PCDHA3: variants seen among roughly 807,000 people sequenced by gnomAD.
The protein encoded by PCDHA3 is protocadherin alpha-3.
PCDHA3 carries 41 observed loss-of-function variants against 62.2 expected under a neutral mutation model. That is an observed-to-expected ratio of 0.66 (90% CI 0.51 to 0.86). The LOEUF (loss-of-function observed/expected upper bound fraction) is 0.86. Ranked by LOEUF, PCDHA3 falls within the 40% of genes least tolerant of loss-of-function variation. The pLI is 0.00. For synonymous variants in PCDHA3, 640 were observed against 555.4 expected, an observed-to-expected ratio of 1.15 and a Z score of -2.14; for missense variants, 1,304 against 1,241.2, an observed-to-expected ratio of 1.05 and a Z score of -0.76.
At chr5:141,005,909 T>C (rs1368661717) in intron 3 of PCDHA3, among the ~76,000 whole-genome samples, 1 of 151,946 alleles carries the variant, frequency 6.6e-6, no homozygotes, top group African/African-American at 2.4e-5. Context: ...ATTGCACCAC[T>C]GCACTTCAGC....
chr5:140,808,144 T>C (rs781813309), intron 1 of PCDHA3: 2 of 1,614,138 alleles, frequency 1.2e-6, no homozygotes, highest in Non-Finnish European at 1.7e-6. Flanking sequence ...ATGAAATTAT[T>C]GTAGAGGGCA....
intron 1 of PCDHA3, among the ~76,000 whole-genome samples, chr5:140,881,723 A>G (rs2058808704): frequency 6.6e-6 from 1 of 152,172 alleles, no homozygotes; most frequent in South Asian, 2.1e-4. Flanking sequence ...GGAGGTCTTG[A>G]AAAATATTAC....
chr5:140,912,241 T>C (rs939016891), intron 1 of PCDHA3, among the ~76,000 whole-genome samples: 1 of 152,164 alleles, frequency 6.6e-6, no homozygotes, highest in African/African-American at 2.4e-5. Flanking sequence ...GACTCAAATG[T>C]TAATCTCCTT....
chr5:140,891,920 C>G (rs1396526194), intron 1 of PCDHA3, among the ~76,000 whole-genome samples: 10 of 152,206 alleles, frequency 6.6e-5, no homozygotes, highest in Non-Finnish European at 8.8e-5. Flanking sequence ...GATGCTGGTG[C>G]CTTGATCTTG....
chr5:140,802,694 G>A lies in PCDHA3; in HGVS notation c.1497G>A (p.Val499=), dbSNP rs782659406. 4.3e-6 allele frequency: 7 copies of A among 1,612,620 alleles called. No individual in the cohort carries two copies. In the Admixed American group the frequency reaches 8.3e-5, roughly 19 times the overall value. ...LVSYSLVERR[V]GERALSSYVS... is the part of the protein sequence containing the mutation. ...CCTACTCGCTGGTGGAACGGCGGGT[G>A]GGGGAGCGCGCGCTGTCGAGCTACG... is the stretch of plus-strand genomic sequence containing the variant. Residue 499 remains valine, a synonymous_variant, in exon 1 of 4, where the codon GTG becomes GTA. Transcript: ENST00000522353.
At chr5:140,954,007 C>T (rs1277033706) in intron 1 of PCDHA3, among the ~76,000 whole-genome samples, 4 of 152,144 alleles carry the variant, frequency 2.6e-5, no homozygotes, top group Non-Finnish European at 4.4e-5. Flanking sequence ...CATCATTCAG[C>T]TCCCACACAT....
Position 140,858,578 on chromosome 5 carries a change from A to T in PCDHA3, c.2394+54987A>T. On this transcript the variant is annotated intron_variant, in intron 1 of 3. Coordinates refer to ENST00000522353, the MANE Select transcript of PCDHA3 (RefSeq NM_018906.3). ...GAATATTTCTAGTGATACCTTTGTA[A>T]TATAATTTATTCCAGGAGTTTTAAA... 3 of 1,350,438 alleles carry T rather than the reference A, an allele frequency of 2.2e-6. No homozygotes were observed. The South Asian group carries it at 4.1e-5, about 18-fold the overall frequency. 83.7% of individuals were successfully genotyped at this position (1,350,438 alleles called of 1,614,324 possible). A position where few individuals can be genotyped will look rare whatever the true frequency, so the allele number is the denominator to read the frequency against.
intron 1 of PCDHA3, among the ~76,000 whole-genome samples, chr5:140,832,044 G>A (rs184906141): frequency 2.0e-4 from 31 of 152,258 alleles, no homozygotes; most frequent in African/African-American, 6.3e-4. Flanking sequence ...TCATAGTGAG[G>A]CCATAATTAC....
chr5:140,833,109 T>G (rs1772297306), intron 1 of PCDHA3, among the ~76,000 whole-genome samples: 1 of 152,208 alleles, frequency 6.6e-6, no homozygotes, highest in Non-Finnish European at 1.5e-5. Context: ...TTTGACACTC[T>G]TCAAAGTCAT....
intron 1 of PCDHA3, chr5:140,851,030 T>G (rs1462203945): frequency 1.4e-6 from 2 of 1,410,502 alleles, no homozygotes; most frequent in Non-Finnish European, 1.9e-6. Context: ...AGTAAACCCC[T>G]TAACATTGGA....
intron 1 of PCDHA3, among the ~76,000 whole-genome samples, chr5:140,964,203 C>T (rs2095816993): frequency 6.6e-6 from 1 of 152,212 alleles, no homozygotes; most frequent in African/African-American, 2.4e-5. Context: ...TATACCATCT[C>T]TTTAGTACAA....
intron 1 of PCDHA3, among the ~76,000 whole-genome samples, chr5:140,897,595 A>C (rs2066215346): frequency 6.6e-6 from 1 of 152,132 alleles, no homozygotes; most frequent in Admixed American, 6.5e-5. Context: ...TCATTGTTGG[A>C]CATTTGGGTT....
chr5:140,843,125 G>A (rs2150353393), intron 1 of PCDHA3: 2 of 1,595,922 alleles, frequency 1.3e-6, no homozygotes, highest in East Asian at 2.2e-5. Flanking sequence ...CGCCGACTCG[G>A]GCTACAACGC....
At chr5:140,843,774 A>T in intron 1 of PCDHA3, 1 of 1,457,980 alleles carries the variant, frequency 6.9e-7, no homozygotes. Context: ...TAGTTACTTT[A>T]AAAGTGTTTC....
At chr5:140,848,624 C>T in intron 1 of PCDHA3, 2 of 1,593,432 alleles carry the variant, frequency 1.3e-6, no homozygotes, top group South Asian at 2.2e-5. Context: ...AACACGGCAC[C>T]TTCGTGGGCC....
chr5:141,003,151 C>T (rs1554258934), intron 3 of PCDHA3, among the ~76,000 whole-genome samples: 2 of 152,224 alleles, frequency 1.3e-5, no homozygotes, highest in African/African-American at 2.4e-5. Flanking sequence ...AGACTCTGAC[C>T]TGATCAATCC....
At chr5:140,974,379 T>G (rs2096625482) in intron 1 of PCDHA3, among the ~76,000 whole-genome samples, 1 of 152,250 alleles carries the variant, frequency 6.6e-6, no homozygotes, top group South Asian at 2.1e-4. Flanking sequence ...TCTGTTGTAC[T>G]GGAACCCATT....
At chr5:140,948,866 G>A (rs552659179) in intron 1 of PCDHA3, among the ~76,000 whole-genome samples, 32 of 151,022 alleles carry the variant, frequency 2.1e-4, no homozygotes, top group Non-Finnish European at 2.5e-4. Context: ...ATATTACTTC[G>A]GGTTTACTTT....
intron 1 of PCDHA3, chr5:140,809,025 C>T (rs782755918): frequency 1.2e-6 from 2 of 1,613,628 alleles, no homozygotes; most frequent in African/African-American, 1.3e-5. Context: ...GAGCTGCAGC[C>T]GGGGACTGGT....
Sources: allele counts gnomAD v4.1 joint callset (sites outside exome capture counted in the v4.1 genomes callset), GRCh38; gene constraint gnomAD v4.1.1; transcripts MANE v1.5; gene names NCBI Gene and HGNC (gene_info 2026-07-23, HGNC 2026-07-21).